GPHN: variants seen among roughly 807,000 people sequenced by gnomAD.
The protein encoded by GPHN is gephyrin.
A neutral mutation model predicts 95.5 loss-of-function variants in GPHN; 17 were observed. That is an observed-to-expected ratio of 0.18 (90% CI 0.12 to 0.27). The LOEUF (loss-of-function observed/expected upper bound fraction) is 0.27. GPHN is among the 10% of genes least tolerant of loss of function. GPHN has a pLI of 1.00. For missense variants in GPHN, 660 were observed against 978.1 expected (o/e 0.67, Z 4.34); for synonymous variants, 320 against 322.5 (o/e 0.99, Z 0.08).
At chr14:66,712,160 C>G (rs892378571) in intron 2 of GPHN, among the ~76,000 whole-genome samples, 1 of 152,150 alleles carries the variant, frequency 6.6e-6, no homozygotes, top group Non-Finnish European at 1.5e-5. Context: ...CTTGAGGAAT[C>G]GCCACACTGT....
intron 2 of GPHN, among the ~76,000 whole-genome samples, chr14:66,700,734 CCAACA>C (rs2068479677): frequency 1.3e-5 from 2 of 151,990 alleles, no homozygotes; most frequent in South Asian, 4.2e-4. Flanking sequence ...ACCATCCTGG[CCAACA>C]TGGTGAAACC....
At chr14:67,373,534 A>G in the GPHN span, among the ~76,000 whole-genome samples, 1 of 152,216 alleles carries the variant, frequency 6.6e-6, no homozygotes, top group Admixed American at 6.5e-5. Flanking sequence ...CACCACAGAC[A>G]TGCTGTCCTC....
At chr14:67,384,553 A>G in the GPHN span, 1 of 152,138 alleles carries the variant, frequency 6.6e-6, no homozygotes, top group Non-Finnish European at 1.5e-5. Flanking sequence ...TACCAGTTGT[A>G]TTTAATTTTA....
intron 2 of GPHN, among the ~76,000 whole-genome samples, chr14:66,757,256 A>G (rs986320601): frequency 9.2e-5 from 14 of 152,220 alleles, no homozygotes; most frequent in African/African-American, 3.1e-4. Context: ...CATCTTTTTC[A>G]AAAGTATATG....
chr14:67,708,789 A>C, the GPHN span, among the ~76,000 whole-genome samples: 813 of 148,056 alleles, frequency 5.5e-3, 8 homozygotes, highest in African/African-American at 0.018. Context: ...ACCTATTAAT[A>C]ATACCTTTTT....
chr14:67,538,808 A>G, the GPHN span, among the ~76,000 whole-genome samples: 2 of 152,180 alleles, frequency 1.3e-5, no homozygotes, highest in African/African-American at 2.4e-5. Context: ...CCACTTGATC[A>G]GTTCAGAACC....
the GPHN span, among the ~76,000 whole-genome samples, chr14:67,369,183 A>C: frequency 6.6e-6 from 1 of 152,252 alleles, no homozygotes; most frequent in African/African-American, 2.4e-5. Flanking sequence ...GGATATAAAA[A>C]GATATGCTAT....
chr14:66,724,645 T>A (rs1383488553), intron 2 of GPHN, among the ~76,000 whole-genome samples: 1 of 152,172 alleles, frequency 6.6e-6, no homozygotes, highest in Non-Finnish European at 1.5e-5. Context: ...AGGGTACCTC[T>A]TACATGAGAG....
chr14:67,270,106 C>T, the GPHN span: 2 of 152,178 alleles, frequency 1.3e-5, no homozygotes, highest in East Asian at 1.9e-4. Flanking sequence ...TGATTCTCAG[C>T]TCTTAAACAA....
chr14:67,043,069 CA>C (rs928050826), intron 10 of GPHN, among the ~76,000 whole-genome samples: 82 of 152,218 alleles, frequency 5.4e-4, no homozygotes, highest in African/African-American at 1.8e-3. Flanking sequence ...GTGATTTTTG[CA>C]CATTTATTTT....
At chr14:67,151,223 A>G (rs901374140) in intron 18 of GPHN, among the ~76,000 whole-genome samples, 8 of 152,214 alleles carry the variant, frequency 5.3e-5, no homozygotes, top group Non-Finnish European at 1.0e-4. Flanking sequence ...TCTACTTACA[A>G]CTTGAGCTGT....
chr14:66,933,908 G>A (rs949019696), intron 8 of GPHN, among the ~76,000 whole-genome samples: 6 of 152,066 alleles, frequency 3.9e-5, no homozygotes, highest in South Asian at 2.1e-4. Flanking sequence ...GGAGGCTGAG[G>A]TGGGCAGATG....
rs149505173 is a variant in GPHN, at chr14:66,621,131, A to AT, written c.65-59959dup. Among the ~76,000 whole-genome samples the AT allele has an allele frequency of 3.0e-3, 426 of 141,338 alleles. 1 individual carries two copies. Among genetic ancestry groups the AT allele is most frequent in the Admixed American group, 3.7e-3 (53 of 14,346 alleles). 92.7% of individuals were successfully genotyped at this position (141,338 alleles called of 152,430 possible). A position where few individuals can be genotyped will look rare whatever the true frequency, so the allele number is the denominator to read the frequency against. Reference sequence around the variant, plus strand: ...AAGCATCCACCACCAAGCCCAGCCAATTTTTTTTTTTTTTTTTGTATTTTT... The same window carrying AT: ...AAGCATCCACCACCAAGCCCAGCCAATTTTTTTTTTTTTTTTTTGTATTTTT... On this transcript the variant is annotated intron_variant, in intron 1 of 22. Coordinates refer to ENST00000478722, the MANE Select transcript of GPHN (RefSeq NM_020806.5).
At chr14:67,365,589 G>A in the GPHN span, among the ~76,000 whole-genome samples, 1 of 152,006 alleles carries the variant, frequency 6.6e-6, no homozygotes, top group African/African-American at 2.4e-5. Context: ...TTTACTTATT[G>A]GATGCCTTTT....
chr14:67,231,667 T>C, the GPHN span, among the ~76,000 whole-genome samples: 2 of 152,112 alleles, frequency 1.3e-5, no homozygotes, highest in Non-Finnish European at 2.9e-5. Flanking sequence ...CTTTTTTGCA[T>C]ATAAATTATA....
At chr14:67,651,115 C>A in the GPHN span, 1 of 914,630 alleles carries the variant, frequency 1.1e-6, no homozygotes, top group Non-Finnish European at 1.6e-6. Context: ...TTTTGCAGTT[C>A]ACAGGGTATT....
chr14:67,053,986 C>G (rs186777390), intron 10 of GPHN, among the ~76,000 whole-genome samples: 261 of 152,260 alleles, frequency 1.7e-3, no homozygotes, highest in Middle Eastern at 3.4e-3. Context: ...CAATTTATGA[C>G]AAACCCACAG....
the GPHN span, among the ~76,000 whole-genome samples, chr14:67,378,947 AT>A: frequency 1.3e-5 from 2 of 152,118 alleles, no homozygotes; most frequent in African/African-American, 4.8e-5. Context: ...GTCTATTATC[AT>A]TTTTTATTTA....
At chr14:66,907,590 A>G (rs2065448432) in intron 5 of GPHN, among the ~76,000 whole-genome samples, 1 of 152,156 alleles carries the variant, frequency 6.6e-6, no homozygotes. Flanking sequence ...TGGATCCCAG[A>G]AAGCAATGAG....
Sources: gnomAD v4.1 joint callset for allele counts (sites outside exome capture counted in the v4.1 genomes callset) on GRCh38, gnomAD v4.1.1 for gene constraint, MANE v1.5 for transcripts, NCBI Gene and HGNC (gene_info 2026-07-23, HGNC 2026-07-21) for gene names.